Variants in ALB observed in about 807,000 individuals in gnomAD.
ALB encodes albumin, also known as serum albumin.
A neutral mutation model predicts 74.5 loss-of-function variants in ALB; 37 were observed. That is an observed-to-expected ratio of 0.50 (90% CI 0.38 to 0.65). ALB has a LOEUF of 0.65. Among genes scored for constraint, ALB ranks in the 30% least tolerant of loss-of-function variants. ALB has a pLI of 0.00. For missense variants in ALB, 685 were observed against 718.7 expected (o/e 0.95, Z 0.54); for synonymous variants, 249 against 251.6 (o/e 0.99, Z 0.10).
At chr4:73,408,028 A>G (rs1718776322) in intron 3 of ALB, among the ~76,000 whole-genome samples, 1 of 152,208 alleles carries the variant, frequency 6.6e-6, no homozygotes, top group South Asian at 2.1e-4. Context: ...AGTTACTTTC[A>G]TAATAAAAAT....
rs372694396 is a variant in ALB at position 73,406,630 on chromosome 4, G to T, written c.139G>T (p.Val47Leu). Residue 47 changes from valine to leucine, a missense_variant and splice_region_variant, in exon 3 of 15, where the codon GTG becomes TTG. Val to Leu is a conservative substitution (Grantham distance 32, BLOSUM62 1). Coordinates refer to ENST00000295897, the MANE Select transcript of ALB (RefSeq NM_000477.7). ...ATTTTTCTACATCCTTTGTTTCAGG[G>T]TGTTGATTGCCTTTGCTCAGTATCT... ...DLGEENFKAL[V>L]LIAFAQYLQQ... The T allele has an allele frequency of 6.2e-7, 1 of 1,613,460 alleles. No homozygotes were observed. The highest frequency in any genetic ancestry group is 1.3e-5 in the African/African-American group (1 of 74,902).
chr4:73,417,934 C>T (rs529971470), intron 11 of ALB, 154 bp from the exon 12 acceptor site: 75 of 787,774 alleles, frequency 9.5e-5, no homozygotes, highest in Middle Eastern at 5.5e-4. Flanking sequence ...CTGCAACCTC[C>T]GCCTCCCAGG....
At chr4:73,407,059 T>C (rs905824889) in intron 3 of ALB, among the ~76,000 whole-genome samples, 3 of 152,204 alleles carry the variant, frequency 2.0e-5, no homozygotes, top group South Asian at 2.1e-4. Flanking sequence ...TTGGTTTCTT[T>C]TTGTAGAGGC....
chr4:73,406,945 C>G (rs1395450889), intron 3 of ALB, among the ~76,000 whole-genome samples, 184 bp downstream of exon 3: 1 of 152,024 alleles, frequency 6.6e-6, no homozygotes, highest in Non-Finnish European at 1.5e-5. Flanking sequence ...TTAGCTATGT[C>G]CACAGTTTTA....
chr4:73,415,240 A>G, intron 9 of ALB, 73 bp downstream of exon 9: 1 of 1,548,564 alleles, frequency 6.5e-7, no homozygotes, highest in Non-Finnish European at 8.9e-7. Context: ...AAATAATGCA[A>G]GAATGTAAAA....
At chr4:73,409,637 T>A in intron 5 of ALB, 150 bp downstream of exon 5, 1 of 929,684 alleles carries the variant, frequency 1.1e-6, no homozygotes, top group East Asian at 2.5e-5. Context: ...AAATCTTTCA[T>A]CTTTGAAGGC....
intron 3 of ALB, among the ~76,000 whole-genome samples, chr4:73,408,330 T>A (rs1249622025): frequency 6.6e-6 from 1 of 152,168 alleles, no homozygotes. Context: ...AAAATAGGAG[T>A]CATATAACTT....
chr4:73,414,982 A>G (rs1240380859), intron 8 of ALB, 53 bp from the exon 9 acceptor site: 3 of 1,599,660 alleles, frequency 1.9e-6, no homozygotes, highest in East Asian at 4.5e-5. Context: ...GCTTTGTGAT[A>G]TTTTTTGTGC....
chr4:73,420,156 A>T, intron 13 of ALB, 98 bp from the exon 14 acceptor site: 5 of 1,076,728 alleles, frequency 4.6e-6, no homozygotes, highest in Non-Finnish European at 7.1e-6. Context: ...ATGCACGTGA[A>T]ATCACTTTGC....
Position 73,404,317 on chromosome 4 carries a change from C to T in ALB, c.-11C>T. ...TTTTCTCTTCTGTCAACCCCACACGCCTTTGGCACAATGAAGTGGGTAACC... is the reference window on the plus strand; with the variant it reads ...TTTTCTCTTCTGTCAACCCCACACGTCTTTGGCACAATGAAGTGGGTAACC... On this transcript the variant is annotated 5_prime_UTR_variant, in exon 1 of 15. Coordinates refer to ENST00000295897, the MANE Select transcript of ALB (RefSeq NM_000477.7). 6.2e-7 allele frequency: 1 copy of T among 1,610,510 alleles called. No homozygotes were observed. The highest frequency in any genetic ancestry group is 1.1e-5 in the South Asian group (1 of 91,012).
intron 2 of ALB, among the ~76,000 whole-genome samples, chr4:73,406,271 G>T (rs1329804137): frequency 1.3e-5 from 2 of 151,964 alleles, no homozygotes. Context: ...AAAAGAAAAA[G>T]GAAATCTGTG....
chr4:73,419,220 A>G, intron 12 of ALB: 1 of 306,054 alleles, frequency 3.3e-6, no homozygotes, highest in Non-Finnish European at 6.1e-6. Context: ...TCAGAGATTT[A>G]CTGAAAAGAA....
chr4:73,409,251 G>A, intron 4 of ALB, 104 bp from the exon 5 acceptor site: 1 of 1,257,440 alleles, frequency 8.0e-7, no homozygotes, highest in Non-Finnish European at 1.1e-6. Flanking sequence ...TGGTTAATTA[G>A]ATATCTTTGG....
intron 4 of ALB, chr4:73,409,010 T>G (rs1326595813): frequency 1.7e-6 from 1 of 598,428 alleles, no homozygotes; most frequent in Non-Finnish European, 2.9e-6. Flanking sequence ...TGAAGTTTAT[T>G]GAAACAGGAT....
chr4:73,410,889 A>G (rs1402934399), intron 6 of ALB, among the ~76,000 whole-genome samples: 1 of 152,100 alleles, frequency 6.6e-6, no homozygotes, highest in Non-Finnish European at 1.5e-5. Context: ...AATGATCTAA[A>G]ACTATTTGCT....
chr4:73,413,276 G>A, intron 7 of ALB, 144 bp from the exon 8 acceptor site: 1 of 787,468 alleles, frequency 1.3e-6, no homozygotes, highest in Non-Finnish European at 2.1e-6. Flanking sequence ...TCCAGGTTTA[G>A]GAGCAAACAG....
At chr4:73,405,737 C>T (rs1022481774) in intron 2 of ALB, among the ~76,000 whole-genome samples, 4 of 151,878 alleles carry the variant, frequency 2.6e-5, no homozygotes. Flanking sequence ...ACTACAGGCG[C>T]CCGCCATCAC....
At chr4:73,410,575 C>T (rs1374356429) in intron 6 of ALB, among the ~76,000 whole-genome samples, 166 bp downstream of exon 6, 1 of 152,090 alleles carries the variant, frequency 6.6e-6, no homozygotes, top group Non-Finnish European at 1.5e-5. Context: ...ATATCAATGA[C>T]AATTTGACAT....
intron 7 of ALB, chr4:73,413,176 C>G (rs891067698): frequency 4.2e-6 from 2 of 472,708 alleles, no homozygotes; most frequent in African/African-American, 3.9e-5. Context: ...ACAGTAGAAA[C>G]ATAAAATTAA....
Sources: allele counts gnomAD v4.1 joint callset (sites outside exome capture counted in the v4.1 genomes callset), GRCh38; gene constraint gnomAD v4.1.1; transcripts MANE v1.5; gene names NCBI Gene and HGNC (gene_info 2026-07-23, HGNC 2026-07-21).